Variants in MSRB3 observed in about 807,000 individuals in gnomAD.
The protein encoded by MSRB3 is methionine sulfoxide reductase B3, also known as methionine-R-sulfoxide reductase B3.
In MSRB3, 13 loss-of-function variants were observed where a neutral mutation model predicts 21.0. The observed-to-expected ratio is 0.62, with a 90% CI of 0.40 to 0.98. MSRB3 has a LOEUF of 0.98. Among genes scored for constraint, MSRB3 ranks in the 50% least tolerant of loss-of-function variants. MSRB3 has a pLI of 0.00. For synonymous variants in MSRB3, 87 were observed against 88.6 expected, an observed-to-expected ratio of 0.98 and a Z score of 0.10; for missense variants, 199 against 230.3, an observed-to-expected ratio of 0.86 and a Z score of 0.88.
intron 1 of MSRB3, chr12:65,279,180 C>T (rs930078657): frequency 7.3e-6 from 6 of 816,462 alleles, no homozygotes; most frequent in African/African-American, 7.3e-5. Flanking sequence ...TCTCGCCCCG[C>T]GCGGGCCCAG....
At chr12:65,331,535 A>T (rs1423558676) in intron 4 of MSRB3, among the ~76,000 whole-genome samples, 3 of 152,068 alleles carry the variant, frequency 2.0e-5, no homozygotes, top group Admixed American at 6.6e-5. Flanking sequence ...TGAAATCTGA[A>T]ATTTGCTGGA....
chr12:65,432,249 A>T (rs1272851898), intron 5 of MSRB3, among the ~76,000 whole-genome samples: 1 of 152,048 alleles, frequency 6.6e-6, no homozygotes, highest in African/African-American at 2.4e-5. Context: ...CAGAAAATGT[A>T]AGTCCTTGGA....
At chr12:65,439,175 G>T (rs1882256044) in intron 5 of MSRB3, among the ~76,000 whole-genome samples, 1 of 151,628 alleles carries the variant, frequency 6.6e-6, no homozygotes, top group African/African-American at 2.4e-5. Context: ...AAGCTAAAAA[G>T]TACAGAGGAT....
At chr12:65,388,456 C>CTG (rs1879305204) in intron 5 of MSRB3, among the ~76,000 whole-genome samples, 1 of 152,304 alleles carries the variant, frequency 6.6e-6, no homozygotes, top group Admixed American at 6.5e-5. Flanking sequence ...TCAGATGGGA[C>CTG]TGTGTTTCAG....
intron 5 of MSRB3, among the ~76,000 whole-genome samples, chr12:65,442,818 G>A (rs761740546): frequency 1.3e-5 from 2 of 152,070 alleles, no homozygotes; most frequent in Non-Finnish European, 2.9e-5. Flanking sequence ...TACATGTGAT[G>A]TAGCTCAGGT....
chr12:65,326,097 C>T (rs1156425287), intron 2 of MSRB3, among the ~76,000 whole-genome samples: 1 of 152,014 alleles, frequency 6.6e-6, no homozygotes, highest in Non-Finnish European at 1.5e-5. Context: ...TGTCTTTCTC[C>T]CTTTCTGTTT....
intron 5 of MSRB3, among the ~76,000 whole-genome samples, chr12:65,408,047 G>A (rs1276748643): frequency 6.6e-6 from 1 of 151,732 alleles, no homozygotes; most frequent in African/African-American, 2.4e-5. Context: ...TCTGAGTCTG[G>A]TTCTGATGCT....
Position 65,441,042 on chromosome 12 carries a change from A to AT in MSRB3, c.293-12677dup, listed in dbSNP as rs112803063. On this transcript the variant is annotated intron_variant, in intron 5 of 6. Transcript: ENST00000308259. The stretch of plus-strand genomic sequence containing the variant: ...TATGCTTGGACCTTTATTGAATTTC[A>AT]TTTTTTTTTGGTAACAGAGGTCCGG... 3.5e-3 allele frequency among the ~76,000 whole-genome samples: 522 copies of AT among 150,606 alleles called. 5 individuals carry two copies. The highest frequency in any genetic ancestry group is 0.012 in the African/African-American group (485 of 41,146).
intron 4 of MSRB3, among the ~76,000 whole-genome samples, chr12:65,358,052 A>T (rs183816227): frequency 6.6e-6 from 1 of 152,000 alleles, no homozygotes; most frequent in Admixed American, 6.6e-5. Flanking sequence ...ATCTCTACAT[A>T]AATTATTTGG....
intron 5 of MSRB3, among the ~76,000 whole-genome samples, chr12:65,451,921 A>G (rs1289776480): frequency 1.3e-5 from 2 of 152,226 alleles, no homozygotes; most frequent in South Asian, 2.1e-4. Flanking sequence ...ACTCAGGTCA[A>G]TGAATTTAGA....
intron 1 of MSRB3, among the ~76,000 whole-genome samples, chr12:65,307,727 T>C (rs1344022301): frequency 6.6e-6 from 1 of 152,194 alleles, no homozygotes; most frequent in African/African-American, 2.4e-5. Context: ...ATAATTCATT[T>C]CCAAAGACAT....
intron 4 of MSRB3, among the ~76,000 whole-genome samples, chr12:65,331,998 T>C (rs1875454310): frequency 6.6e-6 from 1 of 152,088 alleles, no homozygotes; most frequent in Non-Finnish European, 1.5e-5. Flanking sequence ...GCTCCTGGAG[T>C]CTGTCTCCTG....
chr12:65,352,997 C>G (rs371642298), intron 4 of MSRB3, among the ~76,000 whole-genome samples: 4 of 151,886 alleles, frequency 2.6e-5, no homozygotes, highest in Admixed American at 1.3e-4. Flanking sequence ...AAAAAAAGCC[C>G]GCATCGCCAA....
chr12:65,465,738 CA>C lies in MSRB3; in HGVS notation c.*2417del, dbSNP rs1167031744. ...GGTTCACTCTGGAATTCGTAGGCTT[CA>C]CGTCTCTCTAGAAATGACGTGTAAA... is the stretch of plus-strand genomic sequence containing the variant. On this transcript the variant is annotated 3_prime_UTR_variant, in exon 7 of 7. Transcript: ENST00000308259. 6.6e-6 allele frequency: 1 copy of C among 152,168 alleles called. No individual in the cohort carries two copies. Among genetic ancestry groups the C allele is most frequent in the Non-Finnish European group, 1.5e-5 (1 of 68,036 alleles). 9.4% of individuals were successfully genotyped at this position (152,168 alleles called of 1,614,324 possible). A position where few individuals can be genotyped will look rare whatever the true frequency, so the allele number is the denominator to read the frequency against.
intron 2 of MSRB3, among the ~76,000 whole-genome samples, chr12:65,311,362 G>C (rs963755484): frequency 6.6e-6 from 1 of 152,002 alleles, no homozygotes; most frequent in African/African-American, 2.4e-5. Flanking sequence ...ATAATTTCTC[G>C]ACCATTCAAG....
chr12:65,405,408 G>T (rs983911698), intron 5 of MSRB3, among the ~76,000 whole-genome samples: 2 of 150,680 alleles, frequency 1.3e-5, no homozygotes, highest in Non-Finnish European at 2.9e-5. Flanking sequence ...TTTTAAGGCC[G>T]AATAGTATTC....
chr12:65,402,196 T>C (rs961487841), intron 5 of MSRB3, among the ~76,000 whole-genome samples: 4 of 152,224 alleles, frequency 2.6e-5, no homozygotes, highest in African/African-American at 9.6e-5. Flanking sequence ...GATATTTTCC[T>C]GAAGAGTGTT....
At chr12:65,283,340 C>A (rs944907256) in intron 1 of MSRB3, among the ~76,000 whole-genome samples, 2 of 152,100 alleles carry the variant, frequency 1.3e-5, no homozygotes, top group Non-Finnish European at 2.9e-5. Context: ...GGTTGGAGTA[C>A]AAGTTTTACT....
intron 4 of MSRB3, among the ~76,000 whole-genome samples, chr12:65,356,481 A>G (rs952799694): frequency 6.6e-6 from 1 of 151,804 alleles, no homozygotes. Context: ...ATTTATTCCC[A>G]TAGGTTATTG....
Sources: gnomAD v4.1 joint callset for allele counts (sites outside exome capture counted in the v4.1 genomes callset) on GRCh38, gnomAD v4.1.1 for gene constraint, MANE v1.5 for transcripts, NCBI Gene and HGNC (gene_info 2026-07-23, HGNC 2026-07-21) for gene names.